The following TRMU variants were observed in gnomAD, a reference collection of about 807,000 sequenced individuals.
The protein encoded by TRMU is mitochondrial tRNA-specific 2-thiouridylase 1.
In TRMU, 49 loss-of-function variants were observed where a neutral mutation model predicts 46.9. The ratio of observed to expected loss-of-function variants is 1.05; its 90% confidence interval spans 0.83 to 1.33. The LOEUF is 1.33. Among genes scored for constraint, TRMU ranks in the 40% most tolerant of loss-of-function variants. The probability of loss-of-function intolerance (pLI) is 0.00; values close to 1 mark genes in which losing one functional copy is unlikely to be tolerated. For synonymous variants in TRMU, 241 were observed against 200.9 expected (o/e 1.20, Z -1.69); for missense variants, 572 against 532.4 (o/e 1.07, Z -0.73).
Position 46,356,495 on chromosome 22 carries a change from G to C in TRMU, c.1102-347G>C, listed in dbSNP as rs559969500. ...GGTGGTGGGAGGGAACCTGGGGTGA[G>C]GGAAGCGGAAGCATCCTCTGGCTGC... On this transcript the variant is annotated intron_variant, in intron 10 of 10. Transcript: ENST00000645190. 387 of 429,484 alleles carry C rather than the reference G, an allele frequency of 9.0e-4. 2 individuals carry two copies. Among genetic ancestry groups the C allele is most frequent in the African/African-American group, 6.8e-3 (344 of 50,500 alleles). 26.6% of individuals were successfully genotyped at this position (429,484 alleles called of 1,614,324 possible). A position where few individuals can be genotyped will look rare whatever the true frequency, so the allele number is the denominator to read the frequency against.
In TRMU at chr22:46,336,212, G is replaced by T. The variant is rs377009955; in HGVS notation, c.82+366G>T. On this transcript the variant is annotated intron_variant, in intron 1 of 10. Coordinates refer to ENST00000645190, the MANE Select transcript of TRMU (RefSeq NM_018006.5). This position sits in a 1 kb window ranked among gnomAD's most constrained non-coding sequence, Gnocchi z 4.1. ...CCGTGGACACTGGTGAGGGGAGCTGGGATCGCCGGGCCGGGGGCCTGACCT... is the reference window on the plus strand; with the variant it reads ...CCGTGGACACTGGTGAGGGGAGCTGTGATCGCCGGGCCGGGGGCCTGACCT... 2.8e-6 allele frequency: 3 copies of T among 1,065,532 alleles called. No homozygotes were observed. In the African/African-American group the frequency reaches 5.2e-5, roughly 18 times the overall value. 66.0% of individuals were successfully genotyped at this position (1,065,532 alleles called of 1,614,324 possible).
intron 3 of TRMU, among the ~76,000 whole-genome samples, chr22:46,344,731 G>A (rs1171918085): frequency 6.6e-6 from 1 of 152,246 alleles, no homozygotes; most frequent in African/African-American, 2.4e-5. Context: ...AGCACAGGAT[G>A]AGAGGACATG....
rs1899691059 is a variant in TRMU at position 46,350,192 on chromosome 22, G to T, written c.479-99G>T. On this transcript the variant is annotated intron_variant, in intron 4 of 10. Coordinates refer to ENST00000645190, the MANE Select transcript of TRMU (RefSeq NM_018006.5). This position sits in a 1 kb window ranked among gnomAD's most constrained non-coding sequence, Gnocchi z 4.6. ...GAGTGTTGATGTCTGCCTCTGACAGGCTAGGGGTAGTCTGTCTAAGTGAAC... is the reference window on the plus strand; with the variant it reads ...GAGTGTTGATGTCTGCCTCTGACAGTCTAGGGGTAGTCTGTCTAAGTGAAC... The T allele has an allele frequency of 1.4e-6, 2 of 1,430,060 alleles. No homozygotes were observed. The highest frequency in any genetic ancestry group is 2.3e-5 in the South Asian group (2 of 86,100). 88.6% of individuals were successfully genotyped at this position (1,430,060 alleles called of 1,614,324 possible). A position where few individuals can be genotyped will look rare whatever the true frequency, so the allele number is the denominator to read the frequency against.
intron 4 of TRMU, among the ~76,000 whole-genome samples, chr22:46,346,755 G>A (rs915480474): frequency 2.6e-5 from 4 of 152,344 alleles, no homozygotes; most frequent in Non-Finnish European, 5.9e-5. Context: ...TGTCCCTGCC[G>A]GCCATGGTGA....
In TRMU at chr22:46,351,317, C is replaced by T. The variant is rs2078416101; in HGVS notation, c.652-804C>T. On this transcript the variant is annotated intron_variant, in intron 5 of 10. Coordinates refer to ENST00000645190, the MANE Select transcript of TRMU (RefSeq NM_018006.5). The surrounding 1 kb of genome is among the most constrained non-coding windows in gnomAD (Gnocchi z 6.4). Reference sequence around the variant, plus strand: ...ACAGCCTGGGCAACACAGCGAAACTCGTCTCAAAAAGAGAGAACCCGGAGT... The same window carrying T: ...ACAGCCTGGGCAACACAGCGAAACTTGTCTCAAAAAGAGAGAACCCGGAGT... 6.6e-6 allele frequency among the ~76,000 whole-genome samples: 1 copy of T among 152,166 alleles called. No homozygotes were observed. The highest frequency in any genetic ancestry group is 1.5e-5 in the Non-Finnish European group (1 of 68,032).
Position 46,356,853 on chromosome 22 carries a change from C to A in TRMU, c.1113C>A (p.Phe371Leu). 1.2e-6 allele frequency: 2 copies of A among 1,613,304 alleles called. No individual in the cohort carries two copies. Among genetic ancestry groups the A allele is most frequent in the Non-Finnish European group, 1.7e-6 (2 of 1,179,900 alleles). ...RALATGQFAVFYKGDECLGSG... is the reference protein window; with the variant it reads ...RALATGQFAVLYKGDECLGSG... ...TCTCTCCCCTACAGTTTGCTGTGTT[C>A]TACAAGGGGGACGAGTGCCTGGGCA... The change falls in exon 11 of 11, where the codon TTC becomes TTA. Residue 371 changes from phenylalanine to leucine, a missense_variant. Coordinates refer to ENST00000645190, the MANE Select transcript of TRMU (RefSeq NM_018006.5).
intron 2 of TRMU, 51 bp downstream of exon 2, chr22:46,337,995 G>C (rs1318580163): frequency 3.1e-6 from 5 of 1,606,894 alleles, no homozygotes; most frequent in Non-Finnish European, 4.3e-6. Context: ...GTGGATCCTT[G>C]CAGTGGAAGG....
rs2078299051 is a variant in TRMU, at chr22:46,347,808, T to C, written c.478+1264T>C. ...GCACTTCCGCTCACTCCCCAGCCCC[T>C]GCTGCTTCTGCTGGGTCAGGCCCCA... On this transcript the variant is annotated intron_variant, in intron 4 of 10. Transcript: ENST00000645190. The surrounding 1 kb of genome is among the most constrained non-coding windows in gnomAD (Gnocchi z 5.0). Among the ~76,000 whole-genome samples, 1 of 152,218 alleles carries C rather than the reference T, an allele frequency of 6.6e-6. No individual in the cohort carries two copies.
intron 2 of TRMU, among the ~76,000 whole-genome samples, chr22:46,341,868 T>C (rs1004633520): frequency 6.6e-6 from 1 of 152,196 alleles, no homozygotes; most frequent in Non-Finnish European, 1.5e-5. Context: ...GAGGATAGTA[T>C]TTTTGGTATA....
At position 46,357,318 on chromosome 22, in the gene TRMU, G is replaced by A. The variant is rs1465411614; in HGVS notation, c.*312G>A. 1 of 474,012 alleles carries A rather than the reference G, an allele frequency of 2.1e-6. No homozygotes were observed. The highest frequency in any genetic ancestry group is 4.1e-5 in the East Asian group (1 of 24,222). The allele number at this position is 474,012 out of a possible 1,614,324, so 29.4% of individuals were successfully genotyped here. ...CAGAGGGGGCTGTCGGGACAGCGTG[G>A]AATAAACATTATTTCAAGGACACAT... On this transcript the variant is annotated 3_prime_UTR_variant, in exon 11 of 11. Coordinates refer to ENST00000645190, the MANE Select transcript of TRMU (RefSeq NM_018006.5).
chr22:46,353,674 G>C, intron 7 of TRMU, 93 bp from the exon 8 acceptor site: 1 of 1,173,582 alleles, frequency 8.5e-7, no homozygotes, highest in Non-Finnish European at 1.3e-6. Context: ...GGCCTGCTCT[G>C]GGCTGCCCTC....
chr22:46,357,176 C>A lies in TRMU; in HGVS notation c.*170C>A. ...GCCCGGCGAGCCCCAGGAAGAGCCT[C>A]AGCTCCAGGCTGGGGCTCTGGCTGC... On this transcript the variant is annotated 3_prime_UTR_variant, in exon 11 of 11. Coordinates refer to ENST00000645190, the MANE Select transcript of TRMU (RefSeq NM_018006.5). The A allele has an allele frequency of 2.3e-6, 2 of 863,860 alleles. No individual in the cohort carries two copies. Among genetic ancestry groups the A allele is most frequent in the South Asian group, 3.1e-5 (2 of 64,710 alleles). The allele number at this position is 863,860 out of a possible 1,614,324, so 53.5% of individuals were successfully genotyped here. A position where few individuals can be genotyped will look rare whatever the true frequency, so the allele number is the denominator to read the frequency against.
rs974290815 is a variant in TRMU at position 46,350,171 on chromosome 22, G to A, written c.479-120G>A. 8 of 1,218,078 alleles carry A rather than the reference G, an allele frequency of 6.6e-6. No individual in the cohort carries two copies. Among genetic ancestry groups the A allele is most frequent in the Admixed American group, 1.9e-5 (1 of 53,682 alleles). The allele number at this position is 1,218,078 out of a possible 1,614,324, so 75.5% of individuals were successfully genotyped here. On this transcript the variant is annotated intron_variant, in intron 4 of 10. Coordinates refer to ENST00000645190, the MANE Select transcript of TRMU (RefSeq NM_018006.5). This position sits in a 1 kb window ranked among gnomAD's most constrained non-coding sequence, Gnocchi z 4.6. ...TTTTCCCTAGTAGTTGCTATTGAGT[G>A]TTGATGTCTGCCTCTGACAGGCTAG...
chr22:46,351,647 G>A lies in TRMU; in HGVS notation c.652-474G>A, dbSNP rs564344551. ...AGTAAACGATGCAGCCCCTGATGGG[G>A]CCACGGTGGAGAGCGCACGCCACCC... On this transcript the variant is annotated intron_variant, in intron 5 of 10. Transcript: ENST00000645190. The surrounding 1 kb of genome is among the most constrained non-coding windows in gnomAD (Gnocchi z 6.4). 2.6e-4 allele frequency: 72 copies of A among 272,436 alleles called. 1 individual carries two copies. Among genetic ancestry groups the A allele is most frequent in the South Asian group, 2.1e-3 (51 of 23,818 alleles). The allele number at this position is 272,436 out of a possible 1,614,324, so 16.9% of individuals were successfully genotyped here.
rs998076225 is a variant in TRMU at position 46,347,318 on chromosome 22, C to G, written c.478+774C>G. Reference sequence around the variant, plus strand: ...AGGGGTCTCTGGGGCTGGGGCAGGGCTTTACATACACACATTTCTTTTTTA... The same window carrying G: ...AGGGGTCTCTGGGGCTGGGGCAGGGGTTTACATACACACATTTCTTTTTTA... On this transcript the variant is annotated intron_variant, in intron 4 of 10. Transcript: ENST00000645190. The surrounding 1 kb of genome is among the most constrained non-coding windows in gnomAD (Gnocchi z 5.0). 6.6e-6 allele frequency: 1 copy of G among 152,110 alleles called. No homozygotes were observed. The highest frequency in any genetic ancestry group is 1.5e-5 in the Non-Finnish European group (1 of 68,020). The allele number at this position is 152,110 out of a possible 1,614,324, so 9.4% of individuals were successfully genotyped here.
intron 7 of TRMU, 98 bp from the exon 8 acceptor site, chr22:46,353,669 G>A: frequency 9.0e-7 from 1 of 1,116,422 alleles, no homozygotes; most frequent in Admixed American, 1.7e-5. Context: ...TGCTGGGCCT[G>A]CTCTGGGCTG....
rs2078375964 is a variant in TRMU, at chr22:46,350,274, T to C, written c.479-17T>C. On this transcript the variant is annotated splice_polypyrimidine_tract_variant and intron_variant, in intron 4 of 10. Coordinates refer to ENST00000645190, the MANE Select transcript of TRMU (RefSeq NM_018006.5). This position sits in a 1 kb window ranked among gnomAD's most constrained non-coding sequence, Gnocchi z 4.6. ...ATTTTTATTCCTGCATCGTCTTTTG[T>C]TCTTTATTCTTGGCAGCGGTAAAAC... 3.7e-6 allele frequency: 6 copies of C among 1,614,180 alleles called. No homozygotes were observed. The South Asian group carries it at 6.6e-5, about 18-fold the overall frequency.
rs2078446931 is a variant in TRMU at position 46,352,114 on chromosome 22, A to AT, written c.652-4dup. 7 of 1,612,818 alleles carry AT rather than the reference A, an allele frequency of 4.3e-6. No individual in the cohort carries two copies. Among genetic ancestry groups the AT allele is most frequent in the Non-Finnish European group, 5.9e-6 (7 of 1,179,992 alleles). On this transcript the variant is annotated splice_polypyrimidine_tract_variant and splice_region_variant and intron_variant, in intron 5 of 10. Transcript: ENST00000645190. ...CTCCTCTCACGGCTGCCGTCTTCTC[A>AT]TTTCAGAGCATGGGCATGTGTTTCA...
At chr22:46,355,030 G>A (rs2078554210) in intron 8 of TRMU, 1 of 262,848 alleles carries the variant, frequency 3.8e-6, no homozygotes, top group Non-Finnish European at 7.4e-6. Flanking sequence ...GAATTCCTGG[G>A]GTGGCCTTGA....
Sources: gnomAD v4.1 joint callset for allele counts (sites outside exome capture counted in the v4.1 genomes callset) on GRCh38, gnomAD v4.1.1 for gene constraint, Gnocchi (gnomAD v3.1) non-coding constraint, MANE v1.5 for transcripts, NCBI Gene and HGNC (gene_info 2026-07-23, HGNC 2026-07-21) for gene names.